The following LEKR1 variants were observed in gnomAD, a reference collection of about 807,000 sequenced individuals.
LEKR1 encodes the protein leucine, glutamate and lysine rich 1.
A neutral mutation model predicts 72.4 loss-of-function variants in LEKR1; 59 were observed. The ratio of observed to expected loss-of-function variants is 0.82; its 90% CI spans 0.66 to 1.01. LEKR1 has a LOEUF of 1.01. Among genes scored for constraint, LEKR1 ranks in the 50% least tolerant of loss-of-function variants. LEKR1 has a pLI of 0.00. For synonymous variants in LEKR1, 257 were observed against 263.2 expected, an observed-to-expected ratio of 0.98 and a Z score of 0.23; for missense variants, 728 against 759.2, an observed-to-expected ratio of 0.96 and a Z score of 0.48.
intron 6 of LEKR1, among the ~76,000 whole-genome samples, chr3:156,968,817 A>G (rs927868259): frequency 6.6e-5 from 10 of 152,210 alleles, no homozygotes; most frequent in Non-Finnish European, 1.5e-4. Context: ...AACAGAATAT[A>G]CATTCTTCTC....
intron 7 of LEKR1, 134 bp downstream of exon 7, chr3:156,979,409 C>A: frequency 2.6e-6 from 1 of 390,494 alleles, no homozygotes; most frequent in Non-Finnish European, 4.9e-6. Flanking sequence ...CAGTGATTTA[C>A]TGGTGTGGGT....
intron 3 of LEKR1, among the ~76,000 whole-genome samples, chr3:156,871,087 C>T (rs942165035): frequency 6.6e-6 from 1 of 151,970 alleles, no homozygotes; most frequent in Non-Finnish European, 1.5e-5. Flanking sequence ...GGTATATATC[C>T]CAATGCTATC....
Position 156,852,880 on chromosome 3 carries a change from A to G in LEKR1, c.161A>G (p.Tyr54Cys). 2.6e-6 allele frequency: 4 copies of G among 1,534,910 alleles called. No homozygotes were observed. Among genetic ancestry groups the G allele is most frequent in the Non-Finnish European group, 3.5e-6 (4 of 1,145,168 alleles). ...VKAMEKEMKF[Y>C]QGSVDREKRL... ...GCAATGGAAAAAGAGATGAAATTTT[A>G]TCAAGGAAGTGTAGATCGTGAAAAG... Residue 54 changes from tyrosine to cysteine, a missense_variant, in exon 3 of 13, where the codon TAT (tyrosine) becomes TGT (cysteine). Coordinates refer to ENST00000356539, the MANE Select transcript of LEKR1 (RefSeq NM_001004316.3).
intron 3 of LEKR1, among the ~76,000 whole-genome samples, chr3:156,882,456 C>A (rs1719499420): frequency 6.6e-6 from 1 of 152,144 alleles, no homozygotes; most frequent in African/African-American, 2.4e-5. Flanking sequence ...ATTGAGATAC[C>A]ATCTCACACC....
chr3:156,950,476 A>G (rs1727056263), intron 6 of LEKR1, among the ~76,000 whole-genome samples: 1 of 151,488 alleles, frequency 6.6e-6, no homozygotes, highest in Admixed American at 6.6e-5. Flanking sequence ...TGAGCATGGG[A>G]TGTTCTTCTA....
chr3:156,826,933 A>G (rs764348902), intron 1 of LEKR1: 1 of 155,498 alleles, frequency 6.4e-6, no homozygotes, highest in Non-Finnish European at 1.5e-5. Context: ...TTGGAAACGA[A>G]CAAGGACGTG....
chr3:157,040,637 T>C (rs1735279100), intron 12 of LEKR1, among the ~76,000 whole-genome samples: 1 of 152,210 alleles, frequency 6.6e-6, no homozygotes, highest in African/African-American at 2.4e-5. Context: ...CCACAGAATT[T>C]CCTTTTACCT....
chr3:156,833,449 A>T (rs1039734300), intron 2 of LEKR1, among the ~76,000 whole-genome samples: 1 of 152,232 alleles, frequency 6.6e-6, no homozygotes, highest in Non-Finnish European at 1.5e-5. Context: ...AAATTTGGTT[A>T]TTTTTGTGGC....
At chr3:156,937,585 A>G (rs1466986367) in intron 5 of LEKR1, among the ~76,000 whole-genome samples, 3 of 152,242 alleles carry the variant, frequency 2.0e-5, no homozygotes, top group Non-Finnish European at 4.4e-5. Flanking sequence ...AAAATGGTTC[A>G]GCCATTCTAG....
At chr3:157,007,966 G>A (rs1468104863) in intron 9 of LEKR1, among the ~76,000 whole-genome samples, 1 of 152,210 alleles carries the variant, frequency 6.6e-6, no homozygotes. Context: ...GATCGCATTA[G>A]AGGAAGATGA....
At chr3:157,003,186 G>T (rs572451223) in intron 9 of LEKR1, among the ~76,000 whole-genome samples, 1 of 152,268 alleles carries the variant, frequency 6.6e-6, no homozygotes, top group East Asian at 1.9e-4. Context: ...CTTCTAACAA[G>T]CACATGACTA....
At chr3:156,957,407 GA>G (rs1292634579) in intron 6 of LEKR1, among the ~76,000 whole-genome samples, 1 of 151,612 alleles carries the variant, frequency 6.6e-6, no homozygotes, top group Non-Finnish European at 1.5e-5. Flanking sequence ...TGATGGAAAG[GA>G]GTAATTTTTT....
At chr3:156,947,132 A>G (rs1008088065) in intron 6 of LEKR1, among the ~76,000 whole-genome samples, 1 of 149,646 alleles carries the variant, frequency 6.7e-6, no homozygotes. Context: ...TTTTGCTCTG[A>G]TCTTTATTTC....
intron 6 of LEKR1, among the ~76,000 whole-genome samples, chr3:156,950,698 T>C (rs1233450625): frequency 6.6e-6 from 1 of 151,618 alleles, no homozygotes; most frequent in Admixed American, 6.6e-5. Flanking sequence ...GGAATGCTAG[T>C]GATTGTACAT....
chr3:157,009,398 TA>T (rs1732717571), intron 9 of LEKR1, among the ~76,000 whole-genome samples: 1 of 152,174 alleles, frequency 6.6e-6, no homozygotes, highest in Non-Finnish European at 1.5e-5. Flanking sequence ...TACATGAAGC[TA>T]GTGGCTACCA....
chr3:157,029,635 CA>C lies in LEKR1; in HGVS notation c.1668+1234del, dbSNP rs1560158521. On this transcript the variant is annotated intron_variant, in intron 12 of 12. Coordinates refer to ENST00000356539, the MANE Select transcript of LEKR1 (RefSeq NM_001004316.3). Reference sequence around the variant, plus strand: ...ATTAAGTTCTCTTGTTGTTACACAGCAGCTCAGTCCCCCCAATGAAGGAAGC... The same window carrying C: ...ATTAAGTTCTCTTGTTGTTACACAGCGCTCAGTCCCCCCAATGAAGGAAGC... Among the ~76,000 whole-genome samples, 7 of 152,240 alleles carry C rather than the reference CA, an allele frequency of 4.6e-5. No individual in the cohort carries two copies. The South Asian group carries it at 1.5e-3, about 32-fold the overall frequency.
Position 157,043,087 on chromosome 3 carries a change from TC to T in LEKR1, c.1669-2247del, listed in dbSNP as rs199783412. ...CTGGTTGTTTAAAGTGTGTAGGGCC[TC>T]CCCCCAACTCTCTTGCTCCTGCTCC... is the stretch of plus-strand genomic sequence containing the variant. On this transcript the variant is annotated intron_variant, in intron 12 of 12. Coordinates refer to ENST00000356539, the MANE Select transcript of LEKR1 (RefSeq NM_001004316.3). Among the ~76,000 whole-genome samples the T allele has an allele frequency of 6.2e-3, 948 of 152,068 alleles. 5 individuals are homozygous for T. The highest frequency in any genetic ancestry group is 0.022 in the African/African-American group (894 of 41,454).
Position 157,038,581 on chromosome 3 carries a change from G to T in LEKR1, c.1669-6759G>T, listed in dbSNP as rs554650272. On this transcript the variant is annotated intron_variant, in intron 12 of 12. Transcript: ENST00000356539. Reference sequence around the variant, plus strand: ...ACTCTTAACTTTTAGAGCCTGGGAAGAGGAGTAGAATCTAGCGATGGTGAC... The same window carrying T: ...ACTCTTAACTTTTAGAGCCTGGGAATAGGAGTAGAATCTAGCGATGGTGAC... Among the ~76,000 whole-genome samples the T allele has an allele frequency of 2.0e-5, 3 of 152,276 alleles. No homozygotes were observed. The South Asian group carries it at 6.2e-4, about 32-fold the overall frequency.
At chr3:156,848,548 A>G (rs1368403163) in intron 2 of LEKR1, among the ~76,000 whole-genome samples, 1 of 152,314 alleles carries the variant, frequency 6.6e-6, no homozygotes. Context: ...CTTTATGAAA[A>G]CATTTGACAA....
Sources: allele counts gnomAD v4.1 joint callset (sites outside exome capture counted in the v4.1 genomes callset), GRCh38; gene constraint gnomAD v4.1.1; transcripts MANE v1.5; gene names NCBI Gene and HGNC (gene_info 2026-07-23, HGNC 2026-07-21).